Variants in RELCH observed in about 807,000 individuals in gnomAD.
RELCH encodes RAB11-binding protein RELCH.
In RELCH, 41 loss-of-function variants were observed where a neutral mutation model predicts 150.3. That is an observed-to-expected ratio of 0.27 (90% CI 0.21 to 0.35). The LOEUF (loss-of-function observed/expected upper bound fraction) is 0.35, where lower values mean the gene tolerates loss of function less well. RELCH is among the 10% of genes least tolerant of loss of function. RELCH has a pLI of 1.00. For missense variants in RELCH, 1,092 were observed against 1,467.8 expected (o/e 0.74, Z 4.18); for synonymous variants, 478 against 531.8 (o/e 0.90, Z 1.39).
At chr18:62,301,191 G>A (rs899044139) in intron 28 of RELCH, among the ~76,000 whole-genome samples, 9 of 152,160 alleles carry the variant, frequency 5.9e-5, no homozygotes, top group East Asian at 5.8e-4. Context: ...ACAGAGGAGC[G>A]TGTTTGGGAA....
intron 27 of RELCH, among the ~76,000 whole-genome samples, chr18:62,294,983 A>G (rs1438308077): frequency 1.3e-5 from 2 of 152,198 alleles, no homozygotes; most frequent in East Asian, 3.8e-4. Flanking sequence ...TTTGTCAATT[A>G]TTATAAAAAT....
intron 26 of RELCH, among the ~76,000 whole-genome samples, chr18:62,290,304 C>T (rs578085112): frequency 3.3e-5 from 5 of 152,262 alleles, no homozygotes; most frequent in African/African-American, 7.2e-5. Flanking sequence ...GAGGCCAAGG[C>T]GGGCAGATCA....
At position 62,275,366 on chromosome 18, in the gene RELCH, T is replaced by TC; in HGVS notation, c.2868-7dup. 1 of 1,506,550 alleles carries TC rather than the reference T, an allele frequency of 6.6e-7. No homozygotes were observed. Among genetic ancestry groups the TC allele is most frequent in the Non-Finnish European group, 8.9e-7 (1 of 1,120,580 alleles). The allele number at this position is 1,506,550 out of a possible 1,614,324, so 93.3% of individuals were successfully genotyped here. A position where few individuals can be genotyped will look rare whatever the true frequency, so the allele number is the denominator to read the frequency against. ...AATTTTAACACTGTTTTTTTTTTTTTCTTCTAGTGCAAACCCAGCCTACCA... is the reference window on the plus strand; with the variant it reads ...AATTTTAACACTGTTTTTTTTTTTTTCCTTCTAGTGCAAACCCAGCCTACCA... On this transcript the variant is annotated splice_region_variant and splice_polypyrimidine_tract_variant and intron_variant, in intron 21 of 28. Transcript: ENST00000644646.
At chr18:62,245,879 G>C (rs904760247) in intron 11 of RELCH, 2 of 152,136 alleles carry the variant, frequency 1.3e-5, no homozygotes, top group Non-Finnish European at 1.5e-5. Context: ...CTAGTGGAAG[G>C]GGGAGGGAGT....
intron 2 of RELCH, among the ~76,000 whole-genome samples, chr18:62,216,843 A>G (rs1456516031): frequency 2.1e-5 from 2 of 93,652 alleles, no homozygotes; most frequent in Admixed American, 2.4e-4. Context: ...AAATAAGCCT[A>G]TTTGGCTTCT....
At chr18:62,209,392 C>T (rs111711978) in intron 1 of RELCH, among the ~76,000 whole-genome samples, 1,784 of 152,264 alleles carry the variant, frequency 0.012, 27 homozygotes, top group East Asian at 0.052. Context: ...GTTGAAAAAA[C>T]TTCTTTCCTC....
At position 62,308,473 on chromosome 18, in the gene RELCH, C is replaced by A. The variant is rs2045935166; in HGVS notation, c.*2939C>A. 1 of 152,236 alleles carries A rather than the reference C, an allele frequency of 6.6e-6. No homozygotes were observed. The highest frequency in any genetic ancestry group is 1.5e-5 in the Non-Finnish European group (1 of 68,076). The allele number at this position is 152,236 out of a possible 1,614,324, so 9.4% of individuals were successfully genotyped here. A position where few individuals can be genotyped will look rare whatever the true frequency, so the allele number is the denominator to read the frequency against. ...CTGTGGCTCACGCCTGTAATCTCAG[C>A]ACTTTGGGAGGCCAAGGTGACGAAT... On this transcript the variant is annotated 3_prime_UTR_variant, in exon 29 of 29. Transcript: ENST00000644646.
chr18:62,286,365 G>A (rs1029125382), intron 25 of RELCH, among the ~76,000 whole-genome samples: 4 of 152,108 alleles, frequency 2.6e-5, no homozygotes, highest in South Asian at 2.1e-4. Context: ...AAGTCAAAAG[G>A]TCCCCTAAAA....
chr18:62,266,835 T>C, intron 19 of RELCH, 86 bp downstream of exon 19: 2 of 782,330 alleles, frequency 2.6e-6, no homozygotes, highest in South Asian at 3.6e-5. Flanking sequence ...GTAAATTGTA[T>C]AAATGAACTA....
At chr18:62,264,451 T>C (rs1292431939) in intron 17 of RELCH, among the ~76,000 whole-genome samples, 1 of 152,114 alleles carries the variant, frequency 6.6e-6, no homozygotes, top group Non-Finnish European at 1.5e-5. Flanking sequence ...AGCTCTTGTG[T>C]GAAGCATCAG....
chr18:62,195,290 G>A (rs1465348364), intron 1 of RELCH, among the ~76,000 whole-genome samples: 5 of 151,702 alleles, frequency 3.3e-5, no homozygotes, highest in African/African-American at 4.9e-5. Context: ...CTGTGTGTGT[G>A]TGTGTGTGTG....
chr18:62,284,688 G>C (rs1391417704), intron 25 of RELCH, among the ~76,000 whole-genome samples: 1 of 152,114 alleles, frequency 6.6e-6, no homozygotes, highest in African/African-American at 2.4e-5. Context: ...TTTGGAGGAT[G>C]GACAGAGAAT....
intron 25 of RELCH, among the ~76,000 whole-genome samples, chr18:62,282,858 A>G (rs1338876396): frequency 6.6e-6 from 1 of 152,022 alleles, no homozygotes; most frequent in Non-Finnish European, 1.5e-5. Flanking sequence ...GGGTTTTGCC[A>G]TGTTGGCCAG....
At chr18:62,202,302 G>A (rs1230706634) in intron 1 of RELCH, among the ~76,000 whole-genome samples, 1 of 152,062 alleles carries the variant, frequency 6.6e-6, no homozygotes, top group Non-Finnish European at 1.5e-5. Context: ...AAAGAATTGT[G>A]GCTTAATCTA....
rs1298147652 is a variant in RELCH at position 62,282,386 on chromosome 18, G to A, written c.3195G>A (p.Glu1065=). ...QYQDQHSLHT[E]IIKTFGRVGP... ...AAGACCAACATTCTTTGCATACAGA[G>A]ATCATAAAAACATTTGGTAGAGTTG... is the stretch of plus-strand genomic sequence containing the variant. The change falls in exon 25 of 29, where the codon GAG becomes GAA. Residue 1065 remains glutamate (E), a synonymous_variant. Transcript: ENST00000644646. The A allele has an allele frequency of 4.3e-6, 7 of 1,612,828 alleles. No individual in the cohort carries two copies. The highest frequency in any genetic ancestry group is 5.9e-6 in the Non-Finnish European group (7 of 1,179,626).
At chr18:62,239,023 T>C (rs1449617936) in intron 10 of RELCH, among the ~76,000 whole-genome samples, 1 of 152,124 alleles carries the variant, frequency 6.6e-6, no homozygotes, top group East Asian at 1.9e-4. Flanking sequence ...TTACAAGTAA[T>C]GATCGCCTCA....
chr18:62,220,572 A>G (rs2040801686), intron 2 of RELCH, among the ~76,000 whole-genome samples: 1 of 151,742 alleles, frequency 6.6e-6, no homozygotes, highest in Admixed American at 6.6e-5. Flanking sequence ...ATTTTAAGTT[A>G]ACTTTTGTAA....
intron 28 of RELCH, 33 bp downstream of exon 28, chr18:62,298,893 GTTAACT>G (rs1358059581): frequency 8.3e-7 from 1 of 1,204,190 alleles, no homozygotes; most frequent in African/African-American, 1.5e-5. Context: ...AAGGCTACAT[GTTAACT>G]TTAATTTTTC....
chr18:62,264,986 T>A, intron 18 of RELCH, 134 bp downstream of exon 18: 1 of 668,564 alleles, frequency 1.5e-6, no homozygotes, highest in Non-Finnish European at 2.3e-6. Flanking sequence ...TAGAATACTA[T>A]GATAGTAAAA....
Sources: gnomAD v4.1 joint callset for allele counts (sites outside exome capture counted in the v4.1 genomes callset) on GRCh38, gnomAD v4.1.1 for gene constraint, MANE v1.5 for transcripts, NCBI Gene and HGNC (gene_info 2026-07-23, HGNC 2026-07-21) for gene names.